LPA: variants seen among roughly 807,000 people sequenced by gnomAD.
LPA encodes the protein lipoprotein(a), also known as apolipoprotein(a).
A neutral mutation model predicts 197.9 loss-of-function variants in LPA; 199 were observed. The ratio of observed to expected loss-of-function variants is 1.01; its 90% CI spans 0.90 to 1.13. LPA has a LOEUF of 1.13. LPA is among the 50% of genes most tolerant of loss of function. The pLI is 0.00. For missense variants in LPA, 1,853 were observed against 1,785.8 expected (o/e 1.04, Z -0.68); for synonymous variants, 715 against 639.5 (o/e 1.12, Z -1.78).
rs1777974477 is a variant in LPA at position 160,541,106 on chromosome 6, CT to C, written c.5594del (p.Lys1865SerfsTer18). On this transcript the variant is annotated frameshift_variant and splice_region_variant, in exon 35 of 39. Transcript: ENST00000316300. LOFTEE classifies it high-confidence loss of function. ...WVLTAAHCLKKSSRPSSYKVI... is the reference protein window; with the variant it reads ...WVLTAAHCLKXSSRPSSYKVI... ...CCATGTCAGTTTTCCCTTAAACGTACTTCTTCAAGCAGTGAGCAGCAGTCAG... is the reference window on the plus strand; with the variant it reads ...CCATGTCAGTTTTCCCTTAAACGTACTCTTCAAGCAGTGAGCAGCAGTCAG... The C allele has an allele frequency of 6.2e-7, 1 of 1,613,798 alleles. No individual in the cohort carries two copies. Among genetic ancestry groups the C allele is most frequent in the Admixed American group, 1.7e-5 (1 of 60,006 alleles).
chr6:160,535,111 G>A lies in LPA; in HGVS notation c.5843-2462C>T. 1.4e-5 allele frequency among the ~76,000 whole-genome samples: 2 copies of A among 147,872 alleles called. 1 individual carries two copies. The highest frequency in any genetic ancestry group is 3.0e-5 in the Non-Finnish European group (2 of 67,182). ...TGATGGTGATAGTGATCATGGTGGT[G>A]GTGATGATGGTTACAGTGATGGTGG... On this transcript the variant is annotated intron_variant, in intron 37 of 38. Transcript: ENST00000316300.
intron 32 of LPA, among the ~76,000 whole-genome samples, chr6:160,547,098 A>T (rs1344636064): frequency 6.6e-6 from 1 of 152,146 alleles, no homozygotes; most frequent in Admixed American, 6.5e-5. Context: ...TGACTCAAGT[A>T]CCTTCCATTT....
At chr6:160,585,904 T>G (rs1778901641) in intron 25 of LPA, among the ~76,000 whole-genome samples, 1 of 152,010 alleles carries the variant, frequency 6.6e-6, no homozygotes, top group African/African-American at 2.4e-5. Flanking sequence ...CCTCAAATCC[T>G]AGGTGTGGAA....
chr6:160,536,820 A>C (rs1231193529), intron 37 of LPA, among the ~76,000 whole-genome samples: 1 of 152,198 alleles, frequency 6.6e-6, no homozygotes. Context: ...ATAATAGGAA[A>C]ATGACAGAAA....
chr6:160,650,993 C>T (rs1411195161), intron 1 of LPA, among the ~76,000 whole-genome samples: 2 of 152,270 alleles, frequency 1.3e-5, no homozygotes, highest in East Asian at 3.9e-4. Flanking sequence ...AGGCAAAGCC[C>T]TTCACTTCTC....
At chr6:160,571,299 A>G (rs576361728) in intron 28 of LPA, among the ~76,000 whole-genome samples, 96 of 152,228 alleles carry the variant, frequency 6.3e-4, no homozygotes, top group African/African-American at 2.2e-3. Flanking sequence ...GCTTCCTTGC[A>G]TTGTGTTAGA....
chr6:160,592,290 G>A (rs34600300), intron 22 of LPA, among the ~76,000 whole-genome samples: 46,081 of 151,978 alleles, frequency 0.3, 7,388 homozygotes, highest in East Asian at 0.4. Flanking sequence ...TCATTTTCTC[G>A]TTCACCTTTT....
chr6:160,578,976 G>T (rs1490368653), intron 26 of LPA, among the ~76,000 whole-genome samples: 1 of 152,138 alleles, frequency 6.6e-6, no homozygotes, highest in Non-Finnish European at 1.5e-5. Flanking sequence ...GTACAAGAAA[G>T]GATCAGAATA....
At chr6:160,561,130 C>T (rs1025458750) in intron 28 of LPA, among the ~76,000 whole-genome samples, 3 of 152,102 alleles carry the variant, frequency 2.0e-5, no homozygotes, top group East Asian at 1.9e-4. Context: ...AAGATGGTCT[C>T]GATCTCCTGA....
At position 160,555,230 on chromosome 6, in the gene LPA, T is replaced by C. The variant is rs561110147; in HGVS notation, c.4973+795A>G. Reference sequence around the variant, plus strand: ...AACCCAGTGTGTTCACACAGGTTTATATATATTAATTATATTATATTATAT... The same window carrying C: ...AACCCAGTGTGTTCACACAGGTTTACATATATTAATTATATTATATTATAT... On this transcript the variant is annotated intron_variant, in intron 30 of 38. Coordinates refer to ENST00000316300, the MANE Select transcript of LPA (RefSeq NM_005577.4). Among the ~76,000 whole-genome samples the C allele has an allele frequency of 6.4e-3, 884 of 139,200 alleles. 2 individuals carry two copies. Among genetic ancestry groups the C allele is most frequent in the Non-Finnish European group, 9.7e-3 (633 of 65,444 alleles). 91.3% of individuals were successfully genotyped at this position (139,200 alleles called of 152,430 possible).
chr6:160,611,297 G>T (rs6455696), intron 16 of LPA, among the ~76,000 whole-genome samples: 7,487 of 151,878 alleles, frequency 0.049, 692 homozygotes, highest in African/African-American at 0.17. Flanking sequence ...AGTGTTTGGT[G>T]GTTCGTCATT....
At chr6:160,580,381 A>AT (rs1216911512) in intron 26 of LPA, among the ~76,000 whole-genome samples, 1 of 152,180 alleles carries the variant, frequency 6.6e-6, no homozygotes, top group East Asian at 1.9e-4. Context: ...ATTTATATAG[A>AT]TTTTTGTGGA....
At chr6:160,660,026 G>A (rs80298080) in intron 1 of LPA, among the ~76,000 whole-genome samples, 9,420 of 120,214 alleles carry the variant, frequency 0.078, no homozygotes, top group African/African-American at 0.16. Context: ...TGATACTAAA[G>A]ACAATATTGC....
At chr6:160,606,810 T>A in intron 16 of LPA, 152 bp from the exon 17 acceptor site, 1 of 1,180,258 alleles carries the variant, frequency 8.5e-7, no homozygotes, top group African/African-American at 1.5e-5. Context: ...CACAAATGGC[T>A]CTCAATCACT....
chr6:160,604,404 A>G (rs1779304003), intron 18 of LPA, among the ~76,000 whole-genome samples: 1 of 152,112 alleles, frequency 6.6e-6, no homozygotes. Flanking sequence ...GGTGTCACTT[A>G]TGGCCTAAAG....
chr6:160,604,090 A>T (rs984416558), intron 18 of LPA, among the ~76,000 whole-genome samples: 1 of 152,172 alleles, frequency 6.6e-6, no homozygotes, highest in Non-Finnish European at 1.5e-5. Context: ...GTTTAGCCAA[A>T]GATTCGAGGA....
chr6:160,538,827 C>T (rs909973676), intron 36 of LPA, among the ~76,000 whole-genome samples: 3 of 152,100 alleles, frequency 2.0e-5, no homozygotes, highest in Admixed American at 6.6e-5. Flanking sequence ...AAACTCAAAA[C>T]GTATCAGCCT....
At chr6:160,539,600 TTCCTCG>T (rs1435686311) in intron 36 of LPA, among the ~76,000 whole-genome samples, 1 of 152,180 alleles carries the variant, frequency 6.6e-6, no homozygotes, top group Non-Finnish European at 1.5e-5. Context: ...CAAGCAATTC[TTCCTCG>T]TCAGCCTCCT....
intron 16 of LPA, among the ~76,000 whole-genome samples, chr6:160,607,068 C>A (rs1186549247): frequency 1.3e-5 from 2 of 151,992 alleles, no homozygotes; most frequent in Non-Finnish European, 2.9e-5. Context: ...CCGTATCTCT[C>A]TCGGTAGGAC....
Sources: gnomAD v4.1 joint callset for allele counts (sites outside exome capture counted in the v4.1 genomes callset) on GRCh38, gnomAD v4.1.1 for gene constraint, MANE v1.5 for transcripts, NCBI Gene and HGNC (gene_info 2026-07-23, HGNC 2026-07-21) for gene names.